DNAH14: variants seen among roughly 807,000 people sequenced by gnomAD.
DNAH14 encodes axonemal beta dynein heavy chain 14.
In DNAH14, 478 loss-of-function variants were observed where a neutral mutation model predicts 520.9. That is an observed-to-expected ratio of 0.92 (90% CI 0.85 to 0.99). The LOEUF (loss-of-function observed/expected upper bound fraction) is 0.99. Among genes scored for constraint, DNAH14 ranks in the 50% least tolerant of loss-of-function variants. The pLI is 0.00. For missense variants in DNAH14, 4,831 were observed against 5,234.5 expected (o/e 0.92, Z 2.38); for synonymous variants, 1,581 against 1,757.2 (o/e 0.90, Z 2.51).
At chr1:225,264,068 CAG>C (rs1192151487) in intron 46 of DNAH14, 127 bp from the exon 47 acceptor site, 7 of 711,030 alleles carry the variant, frequency 9.8e-6, no homozygotes, top group African/African-American at 1.8e-5. Context: ...AAGGTGGAAA[CAG>C]AAAAAAAATT....
At chr1:225,149,963 A>C (rs763240169) in intron 31 of DNAH14, among the ~76,000 whole-genome samples, 2 of 152,178 alleles carry the variant, frequency 1.3e-5, no homozygotes, top group African/African-American at 2.4e-5. Flanking sequence ...GAGAGAGGGC[A>C]TACTTGTCTT....
At chr1:225,102,918 CT>C (rs1200507852) in intron 23 of DNAH14, among the ~76,000 whole-genome samples, 1 of 152,116 alleles carries the variant, frequency 6.6e-6, no homozygotes, top group African/African-American at 2.4e-5. Flanking sequence ...TCAATTTTGG[CT>C]TTTGTTGCCA....
At chr1:224,951,328 G>A (rs979629512) in intron 1 of DNAH14, among the ~76,000 whole-genome samples, 1 of 151,880 alleles carries the variant, frequency 6.6e-6, no homozygotes, top group African/African-American at 2.4e-5. Context: ...ACCTGGCCTT[G>A]TTGGCTCTTT....
chr1:225,141,951 G>A (rs1297575667), intron 28 of DNAH14, among the ~76,000 whole-genome samples: 1 of 152,124 alleles, frequency 6.6e-6, no homozygotes, highest in Non-Finnish European at 1.5e-5. Context: ...CTTATTTTAG[G>A]TATGACAGTT....
At chr1:225,316,185 G>C (rs539526559) in intron 60 of DNAH14, among the ~76,000 whole-genome samples, 3 of 152,168 alleles carry the variant, frequency 2.0e-5, no homozygotes, top group Non-Finnish European at 4.4e-5. Flanking sequence ...CCTCAGTAAT[G>C]GTGGATGCCC....
intron 23 of DNAH14, among the ~76,000 whole-genome samples, chr1:225,111,151 T>G (rs2076446356): frequency 6.6e-6 from 1 of 152,168 alleles, no homozygotes; most frequent in Non-Finnish European, 1.5e-5. Flanking sequence ...ATTGTGCAGA[T>G]TAATTCCAAT....
intron 38 of DNAH14, among the ~76,000 whole-genome samples, chr1:225,202,997 G>A (rs1167721275): frequency 3.3e-5 from 5 of 152,162 alleles, no homozygotes; most frequent in African/African-American, 1.2e-4. Flanking sequence ...TGTGTGTTTG[G>A]GGGTGGATGA....
chr1:225,025,741 T>G (rs1468372159), intron 11 of DNAH14, among the ~76,000 whole-genome samples: 1 of 152,086 alleles, frequency 6.6e-6, no homozygotes, highest in Non-Finnish European at 1.5e-5. Context: ...AGACTTCAAT[T>G]TTCTCATCTA....
At chr1:225,253,456 C>G (rs1478036592) in intron 44 of DNAH14, among the ~76,000 whole-genome samples, 1 of 152,114 alleles carries the variant, frequency 6.6e-6, no homozygotes, top group East Asian at 1.9e-4. Context: ...GACTTTCAAA[C>G]CCAAACCTGT....
chr1:225,212,155 G>A (rs999833264), intron 41 of DNAH14, among the ~76,000 whole-genome samples: 6 of 148,840 alleles, frequency 4.0e-5, no homozygotes, highest in Non-Finnish European at 7.4e-5. Context: ...AACATGTGGT[G>A]TCTGGTTTTC....
In DNAH14 at chr1:225,097,120, T is replaced by A; in HGVS notation, c.3576T>A (p.Asp1192Glu). The change falls in exon 22 of 86, where the codon GAT becomes GAA. Residue 1192 changes from aspartate to glutamate, a missense_variant and splice_region_variant. Physicochemically the swap from Asp to Glu is conservative, Grantham distance 45 (BLOSUM62 2). Transcript: ENST00000682510. The stretch of plus-strand genomic sequence containing the variant: ...TGTATATGTTTTTATCATTGTAGGA[T>A]CTTGTGAATGAATGGGATCAAAACT... The part of the protein sequence containing the change: ...KGSPHIGPIK[D>E]LVNEWDQNLT... 6.5e-7 allele frequency: 1 copy of A among 1,546,082 alleles called. No individual in the cohort carries two copies. Among genetic ancestry groups the A allele is most frequent in the Non-Finnish European group, 8.7e-7 (1 of 1,144,232 alleles).
At chr1:225,102,332 A>C (rs2075567398) in intron 23 of DNAH14, among the ~76,000 whole-genome samples, 1 of 152,044 alleles carries the variant, frequency 6.6e-6, no homozygotes, top group Non-Finnish European at 1.5e-5. Flanking sequence ...GCTATTGTGA[A>C]TAGTGCCACA....
chr1:225,300,777 A>T, intron 55 of DNAH14, 92 bp from the exon 56 acceptor site: 1 of 1,299,596 alleles, frequency 7.7e-7, no homozygotes, highest in Non-Finnish European at 1.0e-6. Context: ...CTCCTTAATC[A>T]CTGTTGCTTT....
In DNAH14 at chr1:225,123,578, G is replaced by A. The variant is rs756598232; in HGVS notation, c.4218G>A (p.Trp1406Ter). Residue 1406 changes from tryptophan to a stop codon, truncating the protein, a stop_gained, in exon 27 of 86, where the codon TGG becomes TGA. Coordinates refer to ENST00000682510, the MANE Select transcript of DNAH14 (RefSeq NM_001367479.1). LOFTEE classifies it high-confidence loss of function. ...EDWNCQMFSQ[W>*]VLSHPGQVVL... The stretch of plus-strand genomic sequence containing the variant: ...GGAACTGCCAGATGTTTTCCCAATG[G>A]GTGTTATCTCATCCAGGACAAGTGG... The A allele has an allele frequency of 1.2e-5, 5 of 433,638 alleles. No individual in the cohort carries two copies. The East Asian group carries it at 3.8e-4, about 33-fold the overall frequency. The allele number at this position is 433,638 out of a possible 1,614,324, so 26.9% of individuals were successfully genotyped here. A position where few individuals can be genotyped will look rare whatever the true frequency, so the allele number is the denominator to read the frequency against.
chr1:225,043,298 G>C (rs369057446), intron 13 of DNAH14, among the ~76,000 whole-genome samples, 184 bp downstream of exon 13: 2 of 75,340 alleles, frequency 2.7e-5, no homozygotes, highest in Non-Finnish European at 6.7e-5. Flanking sequence ...AAAAAAAAAA[G>C]AATGGAGGGA....
intron 28 of DNAH14, among the ~76,000 whole-genome samples, chr1:225,143,477 C>T (rs1444630477): frequency 1.3e-5 from 2 of 151,530 alleles, no homozygotes; most frequent in Admixed American, 6.6e-5. Context: ...CCCTGTTGTT[C>T]CAGAAAGGAT....
chr1:225,019,229 T>C (rs1344846272), intron 10 of DNAH14, among the ~76,000 whole-genome samples: 1 of 112,684 alleles, frequency 8.9e-6, no homozygotes, highest in Non-Finnish European at 1.9e-5. Flanking sequence ...GAGAAAGACC[T>C]GTCTGGCAAA....
At chr1:225,264,322 A>G (rs1302497473) in intron 47 of DNAH14, 61 bp downstream of exon 47, 2 of 1,270,550 alleles carry the variant, frequency 1.6e-6, no homozygotes, top group Non-Finnish European at 2.2e-6. Context: ...AACCATGTGT[A>G]TATTATTTCT....
chr1:225,231,259 G>A (rs1276704080), intron 42 of DNAH14, 108 bp downstream of exon 42: 1 of 719,728 alleles, frequency 1.4e-6, no homozygotes, highest in Non-Finnish European at 2.2e-6. Context: ...TATTTTCATA[G>A]TATCAGAATC....
Sources: gnomAD v4.1 joint callset for allele counts (sites outside exome capture counted in the v4.1 genomes callset) on GRCh38, gnomAD v4.1.1 for gene constraint, MANE v1.5 for transcripts, NCBI Gene and HGNC (gene_info 2026-07-23, HGNC 2026-07-21) for gene names.